Variants in OR2T6 observed in about 807,000 individuals in gnomAD.
OR2T6 encodes the protein olfactory receptor family 2 subfamily T member 6.
For missense variants in OR2T6, 424 were observed against 391.6 expected (o/e 1.08, Z -0.70); for synonymous variants, 174 against 148.0 (o/e 1.18, Z -1.27).
chr1:248,388,941 C>T lies in OR2T6; in HGVS notation c.*406C>T, dbSNP rs1661201673. On this transcript the variant is annotated 3_prime_UTR_variant, in exon 3 of 3. Coordinates refer to ENST00000641644, the MANE Select transcript of OR2T6 (RefSeq NM_001005471.2). ...TTAAACAATCCATCAATTGGCTTGT[C>T]AAAGATTTAGGGATGCCAAGGTTTG... is the stretch of plus-strand genomic sequence containing the variant. 1 of 179,030 alleles carries T rather than the reference C, an allele frequency of 5.6e-6. No homozygotes were observed. Among genetic ancestry groups the T allele is most frequent in the Non-Finnish European group, 1.2e-5 (1 of 86,784 alleles). The allele number at this position is 179,030 out of a possible 1,614,324, so 11.1% of individuals were successfully genotyped here. A position where few individuals can be genotyped will look rare whatever the true frequency, so the allele number is the denominator to read the frequency against.
chr1:248,387,893 C>A lies in OR2T6; in HGVS notation c.285C>A (p.Ile95=), dbSNP rs6693133. 9 of 1,598,320 alleles carry A rather than the reference C, an allele frequency of 5.6e-6. No homozygotes were observed. The highest frequency in any genetic ancestry group is 7.7e-6 in the Non-Finnish European group (9 of 1,170,996). ...TGGGCGAGGGGACCATCTCTTTCAT[C>A]GCCTGCACTGCTCAGTGCTTTCTCT... The part of the protein sequence containing the change: ...YLMGEGTISF[I]ACTAQCFLYM... Residue 95 remains isoleucine, a synonymous_variant, in exon 3 of 3, where the codon ATC becomes ATA. Transcript: ENST00000641644.
rs1661153913 is a variant in OR2T6, at chr1:248,387,542, G to A, written c.-4-63G>A. The stretch of plus-strand genomic sequence containing the variant: ...AATGTTTACACAGACATGTTTAAGT[G>A]ATTTATCTTTTGTCATTTTCATTGA... On this transcript the variant is annotated intron_variant, in intron 2 of 2. Transcript: ENST00000641644. The A allele has an allele frequency of 4.9e-6, 5 of 1,019,138 alleles. No homozygotes were observed. In the East Asian group the frequency reaches 9.6e-5, roughly 20 times the overall value. The allele number at this position is 1,019,138 out of a possible 1,614,324, so 63.1% of individuals were successfully genotyped here.
rs1661168123 is a variant in OR2T6, at chr1:248,387,795, C to T, written c.187C>T (p.Leu63Phe). 2 of 1,610,748 alleles carry T rather than the reference C, an allele frequency of 1.2e-6. No homozygotes were observed. Among genetic ancestry groups the T allele is most frequent in the African/African-American group, 1.3e-5 (1 of 74,978 alleles). ...PHLHTPMYFL[L>F]SHLSVIDTLY... ...TCTCCACACCCCCATGTACTTCCTC[C>T]TCAGCCACCTCTCCGTCATTGACAC... The change falls in exon 3 of 3, where the codon CTC becomes TTC. Residue 63 changes from leucine (L) to phenylalanine (F), a missense_variant. Physicochemically the swap from Leu to Phe is conservative, Grantham distance 22 (BLOSUM62 0). Transcript: ENST00000641644.
At chr1:248,387,402 G>T (rs556979801) in intron 2 of OR2T6, among the ~76,000 whole-genome samples, 1 of 152,036 alleles carries the variant, frequency 6.6e-6, no homozygotes, top group African/African-American at 2.4e-5. Flanking sequence ...ATCCCATGGG[G>T]TCCTAATGTT....
At chr1:248,387,144 G>A (rs974942035) in intron 2 of OR2T6, among the ~76,000 whole-genome samples, 3 of 152,150 alleles carry the variant, frequency 2.0e-5, no homozygotes, top group Non-Finnish European at 4.4e-5. Flanking sequence ...ACAATTTATG[G>A]TTATTTCTGG....
chr1:248,388,508 C>T lies in OR2T6; in HGVS notation c.900C>T (p.Ala300=). ...TGAGGAACAGGGATGTGATGGGTGC[C>T]TTGAAGAGAGTTGTGGCAAGATGTT... The part of the protein sequence containing the change: ...YSLRNRDVMG[A]LKRVVARC The change falls in exon 3 of 3, where the codon GCC becomes GCT. Residue 300 remains alanine, a synonymous_variant. Coordinates refer to ENST00000641644, the MANE Select transcript of OR2T6 (RefSeq NM_001005471.2). The T allele has an allele frequency of 6.3e-7, 1 of 1,580,006 alleles. No individual in the cohort carries two copies. Among genetic ancestry groups the T allele is most frequent in the Non-Finnish European group, 8.6e-7 (1 of 1,164,418 alleles).
chr1:248,386,325 C>T (rs938073625), intron 2 of OR2T6, among the ~76,000 whole-genome samples: 2 of 152,148 alleles, frequency 1.3e-5, no homozygotes, highest in Non-Finnish European at 2.9e-5. Context: ...CTCTGGCCTA[C>T]AAGATCTTTT....
At chr1:248,377,585 CT>C (rs753055963) in intron 1 of OR2T6, among the ~76,000 whole-genome samples, 8 of 152,234 alleles carry the variant, frequency 5.3e-5, no homozygotes, top group Non-Finnish European at 1.2e-4. Flanking sequence ...GGGCTCGCCC[CT>C]GTCAGAGCGC....
intron 1 of OR2T6, among the ~76,000 whole-genome samples, chr1:248,381,530 A>T (rs1357423381): frequency 6.6e-6 from 1 of 152,070 alleles, no homozygotes; most frequent in East Asian, 1.9e-4. Context: ...TTAATTTTAC[A>T]TTCTATTTAA....
chr1:248,379,795 G>A (rs1661001792), intron 1 of OR2T6, among the ~76,000 whole-genome samples: 3 of 152,004 alleles, frequency 2.0e-5, no homozygotes, highest in Non-Finnish European at 4.4e-5. Context: ...GGAATTTTGG[G>A]AAAGCAGAAT....
At chr1:248,386,658 G>A (rs1032054473) in intron 2 of OR2T6, among the ~76,000 whole-genome samples, 4 of 152,204 alleles carry the variant, frequency 2.6e-5, no homozygotes, top group African/African-American at 9.7e-5. Flanking sequence ...ATACCTTGAA[G>A]AACTGATCAC....
chr1:248,381,049 T>C (rs1393136417), intron 1 of OR2T6, among the ~76,000 whole-genome samples: 1 of 152,100 alleles, frequency 6.6e-6, no homozygotes, highest in Non-Finnish European at 1.5e-5. Flanking sequence ...GTTGTAGCCA[T>C]GATTAACCTA....
At chr1:248,377,694 T>C (rs1465080815) in intron 1 of OR2T6, among the ~76,000 whole-genome samples, 1 of 152,242 alleles carries the variant, frequency 6.6e-6, no homozygotes, top group Non-Finnish European at 1.5e-5. Context: ...GTTCATAGTA[T>C]GTGATGAGTA....
In OR2T6 at chr1:248,388,375, T is replaced by G; in HGVS notation, c.767T>G (p.Leu256Trp). ...MVVTLFYGAA[L>W]YTYTLPQSYH... Reference sequence around the variant, plus strand: ...GTGACATTGTTCTATGGGGCTGCCTTGTATACGTATACGCTTCCCCAATCT... The same window carrying G: ...GTGACATTGTTCTATGGGGCTGCCTGGTATACGTATACGCTTCCCCAATCT... Residue 256 changes from leucine to tryptophan, a missense_variant, in exon 3 of 3, where the codon TTG becomes TGG. Coordinates refer to ENST00000641644, the MANE Select transcript of OR2T6 (RefSeq NM_001005471.2). The G allele has an allele frequency of 6.2e-7, 1 of 1,613,584 alleles. No homozygotes were observed. Among genetic ancestry groups the G allele is most frequent in the South Asian group, 1.1e-5 (1 of 90,998 alleles).
intron 1 of OR2T6, among the ~76,000 whole-genome samples, chr1:248,378,599 C>A (rs1020239838): frequency 6.6e-6 from 1 of 151,954 alleles, no homozygotes; most frequent in African/African-American, 2.4e-5. Context: ...GATACTCTTC[C>A]GTTTAGTTGT....
chr1:248,383,174 G>A (rs76539645), intron 1 of OR2T6, among the ~76,000 whole-genome samples: 2 of 57,788 alleles, frequency 3.5e-5, no homozygotes, highest in African/African-American at 2.7e-4. Flanking sequence ...GTGTTTCCTA[G>A]TGTTATCATC....
rs564446960 is a variant in OR2T6, at chr1:248,388,388, G to T, written c.780G>T (p.Thr260=). 1.2e-6 allele frequency: 2 copies of T among 1,613,558 alleles called. No homozygotes were observed. The highest frequency in any genetic ancestry group is 4.5e-5 in the East Asian group (2 of 44,860). Residue 260 remains threonine, a synonymous_variant, in exon 3 of 3, where the codon ACG becomes ACT. Coordinates refer to ENST00000641644, the MANE Select transcript of OR2T6 (RefSeq NM_001005471.2). ...LFYGAALYTY[T]LPQSYHTPIK... is the part of the protein sequence containing the mutation. ...ATGGGGCTGCCTTGTATACGTATAC[G>T]CTTCCCCAATCTTACCACACCCCAA...
chr1:248,377,192 T>C (rs927536726), intron 1 of OR2T6, among the ~76,000 whole-genome samples: 5 of 152,230 alleles, frequency 3.3e-5, no homozygotes, highest in Admixed American at 1.3e-4. Context: ...TATTGCCTTC[T>C]GGACTGCGTC....
rs1661165500 is a variant in OR2T6, at chr1:248,387,700, T to C, written c.92T>C (p.Ile31Thr). Residue 31 changes from isoleucine to threonine, a missense_variant, in exon 3 of 3, where the codon ATT becomes ACT. Transcript: ENST00000641644. ...NKCSGFFFGVICAVFFMAMIA... is the reference protein window; with the variant it reads ...NKCSGFFFGVTCAVFFMAMIA... ...TGCTCAGGATTCTTTTTCGGTGTCATTTGTGCCGTCTTCTTCATGGCCATG... is the reference window on the plus strand; with the variant it reads ...TGCTCAGGATTCTTTTTCGGTGTCACTTGTGCCGTCTTCTTCATGGCCATG... 1 of 1,613,774 alleles carries C rather than the reference T, an allele frequency of 6.2e-7. No homozygotes were observed. The highest frequency in any genetic ancestry group is 1.3e-5 in the African/African-American group (1 of 74,900).
Sources: allele counts gnomAD v4.1 joint callset (sites outside exome capture counted in the v4.1 genomes callset), GRCh38; gene constraint gnomAD v4.1.1; transcripts MANE v1.5; gene names NCBI Gene and HGNC (gene_info 2026-07-23, HGNC 2026-07-21).